Variants in HEXA observed in about 807,000 individuals in gnomAD.
HEXA encodes the protein hexosaminidase subunit alpha.
A neutral mutation model predicts 73.3 loss-of-function variants in HEXA; 54 were observed. The observed-to-expected ratio is 0.74, with a 90% confidence interval of 0.59 to 0.92. The LOEUF (loss-of-function observed/expected upper bound fraction) is 0.92, where lower values mean the gene tolerates loss of function less well. Ranked by LOEUF, HEXA falls within the 40% of genes least tolerant of loss-of-function variation. The pLI is 0.00. For synonymous variants in HEXA, 230 were observed against 246.9 expected, an observed-to-expected ratio of 0.93 and a Z score of 0.64; for missense variants, 649 against 653.0, an observed-to-expected ratio of 0.99 and a Z score of 0.07.
rs543071358 is a variant in HEXA, at chr15:72,351,189, C to G, written c.616G>C (p.Val206Leu). The change falls in exon 6 of 14, where the codon GTA becomes CTA. Residue 206 changes from valine (V) to leucine (L), a missense_variant. Val to Leu is a conservative substitution (Grantham distance 32). Coordinates refer to ENST00000268097, the MANE Select transcript of HEXA (RefSeq NM_000520.6). ...TCATATGGGAAGGAAGGATCATCTA[C>G]CAGATGCCAGTGGAACACGTTCAAT... ...NKLNVFHWHLVDDPSFPYESF... is the reference protein window; with the variant it reads ...NKLNVFHWHLLDDPSFPYESF... 1 of 1,613,184 alleles carries G rather than the reference C, an allele frequency of 6.2e-7. No individual in the cohort carries two copies. Among genetic ancestry groups the G allele is most frequent in the South Asian group, 1.1e-5 (1 of 91,048 alleles).
intron 7 of HEXA, among the ~76,000 whole-genome samples, chr15:72,349,617 A>G (rs1228146537): frequency 6.6e-6 from 1 of 152,218 alleles, no homozygotes; most frequent in African/African-American, 2.4e-5. Context: ...CAAACTGGCA[A>G]AATCTTTCTT....
At chr15:72,354,778 AGGG>A (rs1567300002) in intron 3 of HEXA, 1 of 152,350 alleles carries the variant, frequency 6.6e-6, no homozygotes, top group Non-Finnish European at 1.5e-5. Flanking sequence ...TCACCAGCAG[AGGG>A]TTTACCAAAA....
At chr15:72,366,297 T>C (rs905962722) in intron 1 of HEXA, among the ~76,000 whole-genome samples, 1 of 152,028 alleles carries the variant, frequency 6.6e-6, no homozygotes, top group Non-Finnish European at 1.5e-5. Context: ...CCTGATCACT[T>C]CTTTATTCAC....
chr15:72,342,906 T>A lies in HEXA; in HGVS notation c.*1171A>T, dbSNP rs937455882. 2 of 151,852 alleles carry A rather than the reference T, an allele frequency of 1.3e-5. No individual in the cohort carries two copies. The highest frequency in any genetic ancestry group is 2.9e-5 in the Non-Finnish European group (2 of 68,036). 9.4% of individuals were successfully genotyped at this position (151,852 alleles called of 1,614,324 possible). On this transcript the variant is annotated 3_prime_UTR_variant, in exon 14 of 14. Coordinates refer to ENST00000268097, the MANE Select transcript of HEXA (RefSeq NM_000520.6). The stretch of plus-strand genomic sequence containing the variant: ...TTCAAGACCAGCCTGGCCAATATAG[T>A]GAAACCCCATCTCTACTAAAAATAG...
At chr15:72,373,731 G>A (rs2089022190) in intron 1 of HEXA, among the ~76,000 whole-genome samples, 1 of 152,170 alleles carries the variant, frequency 6.6e-6, no homozygotes, top group Admixed American at 6.5e-5. Flanking sequence ...TGGCGCGGTG[G>A]CTCATGCCTG....
In HEXA at chr15:72,351,198, A is replaced by C. The variant is rs1002712424; in HGVS notation, c.607T>G (p.Trp203Gly). The change falls in exon 6 of 14, where the codon TGG (tryptophan) becomes GGG (glycine). Residue 203 changes from tryptophan to glycine, a missense_variant. By Grantham distance (184) the Trp-to-Gly change is radical. Transcript: ENST00000268097. Reference sequence around the variant, plus strand: ...AAGGAAGGATCATCTACCAGATGCCAGTGGAACACGTTCAATTTATTGTAC... The same window carrying C: ...AAGGAAGGATCATCTACCAGATGCCCGTGGAACACGTTCAATTTATTGTAC... ...MAYNKLNVFHWHLVDDPSFPY... is the reference protein window; with the variant it reads ...MAYNKLNVFHGHLVDDPSFPY... The C allele has an allele frequency of 1.2e-6, 2 of 1,612,822 alleles. No individual in the cohort carries two copies. The highest frequency in any genetic ancestry group is 1.7e-6 in the Non-Finnish European group (2 of 1,178,884).
chr15:72,346,558 A>G lies in HEXA; in HGVS notation c.1299T>C (p.Asp433=), dbSNP rs1412814991. The G allele has an allele frequency of 6.2e-7, 1 of 1,614,004 alleles. No homozygotes were observed. The highest frequency in any genetic ancestry group is 8.5e-7 in the Non-Finnish European group (1 of 1,179,940). Residue 433 remains aspartate (D), a synonymous_variant, in exon 11 of 14, where the codon GAT becomes GAC. Transcript: ENST00000268097. ...ATGCCAGGGGTTCCACTATGTAGAA[A>G]TCCTTCCAGTCAGGGCCATAGGATA... is the stretch of plus-strand genomic sequence containing the variant. ...NRISYGPDWK[D]FYIVEPLAFE...
chr15:72,344,130 G>A lies in HEXA; in HGVS notation c.1537C>T (p.Gln513Ter). ...AAGCCTACATTGAGGGGTTGGGCCT[G>A]GACACCTCGCCTGCAAGAGGACATG... is the stretch of plus-strand genomic sequence containing the variant. Reference protein sequence around the residue: ...FRCELLRRGVQAQPLNVGFCE... With the variant: ...FRCELLRRGV Residue 513 changes from glutamine (Q) to a stop codon, truncating the protein, a stop_gained, in exon 14 of 14, where the codon CAG (glutamine) becomes TAG (stop). Coordinates refer to ENST00000268097, the MANE Select transcript of HEXA (RefSeq NM_000520.6). LOFTEE classifies it high-confidence loss of function. 1 of 1,613,674 alleles carries A rather than the reference G, an allele frequency of 6.2e-7. No homozygotes were observed. Among genetic ancestry groups the A allele is most frequent in the Non-Finnish European group, 8.5e-7 (1 of 1,179,692 alleles).
At chr15:72,346,208 C>T (rs2088610185) in intron 12 of HEXA, 27 bp downstream of exon 12, 1 of 1,574,872 alleles carries the variant, frequency 6.3e-7, no homozygotes, top group African/African-American at 1.3e-5. Context: ...AGGCCCAACC[C>T]TCCACCTCCC....
intron 1 of HEXA, among the ~76,000 whole-genome samples, chr15:72,360,928 T>C (rs1317477691): frequency 6.6e-6 from 1 of 152,236 alleles, no homozygotes; most frequent in Non-Finnish European, 1.5e-5. Context: ...TATGTGCTCA[T>C]GATGTTGGTC....
intron 1 of HEXA, chr15:72,356,924 A>G (rs1172833899): frequency 1.7e-5 from 8 of 463,304 alleles, no homozygotes; most frequent in Non-Finnish European, 3.2e-5. Context: ...CATGACCTCA[A>G]CAACTGCTTC....
At chr15:72,372,005 TC>T (rs905433828) in intron 1 of HEXA, among the ~76,000 whole-genome samples, 7 of 152,054 alleles carry the variant, frequency 4.6e-5, no homozygotes, top group African/African-American at 1.7e-4. Flanking sequence ...CCTTATAATA[TC>T]TATGATATAC....
chr15:72,356,773 G>C (rs1595804270), intron 1 of HEXA, 156 bp from the exon 2 acceptor site: 21 of 1,096,298 alleles, frequency 1.9e-5, no homozygotes, highest in South Asian at 1.3e-5. Context: ...CTGATCATCT[G>C]TTCAGCTGTC....
chr15:72,350,614 G>A lies in HEXA; in HGVS notation c.709C>T (p.Gln237Ter), dbSNP rs150675340. ...TATTCAATGACCTCCTTCACATCCT[G>A]TGCTGTGTAGATGTGGGTGACAGGG... ...YNPVTHIYTAQDVKEVIEYAR... is the reference protein window; with the variant it reads ...YNPVTHIYTA The change falls in exon 7 of 14, where the codon CAG becomes TAG. Residue 237 changes from glutamine (Q) to a stop codon, truncating the protein, a stop_gained. Coordinates refer to ENST00000268097, the MANE Select transcript of HEXA (RefSeq NM_000520.6). LOFTEE classifies it high-confidence loss of function. The A allele has an allele frequency of 1.2e-6, 2 of 1,614,022 alleles. No homozygotes were observed. Among genetic ancestry groups the A allele is most frequent in the Non-Finnish European group, 1.7e-6 (2 of 1,179,898 alleles).
chr15:72,351,017 C>T, intron 6 of HEXA, 116 bp downstream of exon 6: 1 of 751,684 alleles, frequency 1.3e-6, no homozygotes, highest in Middle Eastern at 2.3e-4. Context: ...GTGTCCTTCC[C>T]CTATATTGGT....
chr15:72,370,961 G>A (rs534742548), intron 1 of HEXA, among the ~76,000 whole-genome samples: 6 of 152,252 alleles, frequency 3.9e-5, no homozygotes, highest in South Asian at 2.1e-4. Context: ...CCTTCTTCCC[G>A]TGTTGTTTTC....
chr15:72,347,722 A>G lies in HEXA; in HGVS notation c.1110T>C (p.Tyr370=), dbSNP rs2140321848. The change falls in exon 10 of 14, where the codon TAT becomes TAC. Residue 370 remains tyrosine (Y), a synonymous_variant. Coordinates refer to ENST00000268097, the MANE Select transcript of HEXA (RefSeq NM_000520.6). ...LDIVSSYGKG[Y]VVWQEVFDNK... ...TATCAAACACCTCCTGCCACACCACATAGCCCTTGCCATAAGAAGAGACGA... is the reference window on the plus strand; with the variant it reads ...TATCAAACACCTCCTGCCACACCACGTAGCCCTTGCCATAAGAAGAGACGA... 1 of 1,614,200 alleles carries G rather than the reference A, an allele frequency of 6.2e-7. No homozygotes were observed. Among genetic ancestry groups the G allele is most frequent in the Non-Finnish European group, 8.5e-7 (1 of 1,180,022 alleles).
rs761538590 is a variant in HEXA at position 72,376,005 on chromosome 15, G to C, written c.-33C>G. On this transcript the variant is annotated 5_prime_UTR_variant, in exon 1 of 14. Coordinates refer to ENST00000268097, the MANE Select transcript of HEXA (RefSeq NM_000520.6). ...TGGTCTCCCCTCTCGGAGGGGGCTGGCCACGTGAGACCCTGGTCAGGTGAG... is the reference window on the plus strand; with the variant it reads ...TGGTCTCCCCTCTCGGAGGGGGCTGCCCACGTGAGACCCTGGTCAGGTGAG... 17 of 1,608,462 alleles carry C rather than the reference G, an allele frequency of 1.1e-5. No homozygotes were observed. In the South Asian group the frequency reaches 1.9e-4, roughly 18 times the overall value.
At chr15:72,369,262 T>A (rs2088956588) in intron 1 of HEXA, among the ~76,000 whole-genome samples, 1 of 152,218 alleles carries the variant, frequency 6.6e-6, no homozygotes, top group Non-Finnish European at 1.5e-5. Context: ...TATAATCCAT[T>A]TCTGTATTAC....
Sources: gnomAD v4.1 joint callset for allele counts (sites outside exome capture counted in the v4.1 genomes callset) on GRCh38, gnomAD v4.1.1 for gene constraint, MANE v1.5 for transcripts, NCBI Gene and HGNC (gene_info 2026-07-23, HGNC 2026-07-21) for gene names.